Variants in SPPL3 observed in about 807,000 individuals in gnomAD.
The protein encoded by SPPL3 is signal peptide peptidase like 3.
A neutral mutation model predicts 42.4 loss-of-function variants in SPPL3; 5 were observed. That is an observed-to-expected ratio of 0.12 (90% CI 0.06 to 0.25). SPPL3 has a LOEUF of 0.25. Among genes scored for constraint, SPPL3 ranks in the 10% least tolerant of loss-of-function variants. SPPL3 has a pLI of 1.00. For missense variants in SPPL3, 235 were observed against 489.0 expected, an observed-to-expected ratio of 0.48 and a Z score of 4.90; for synonymous variants, 195 against 181.8, an observed-to-expected ratio of 1.07 and a Z score of -0.58.
chr12:120,904,028 G>T lies in SPPL3; in HGVS notation c.-161C>A. Reference sequence around the variant, plus strand: ...GGCGGGCCGGGAAGGCGGCTGGCGGGGAGAGGCCGGGCTCCGAAGCGGCCC... The same window carrying T: ...GGCGGGCCGGGAAGGCGGCTGGCGGTGAGAGGCCGGGCTCCGAAGCGGCCC... On this transcript the variant is annotated 5_prime_UTR_variant, in exon 1 of 11. Coordinates refer to ENST00000353487, the MANE Select transcript of SPPL3 (RefSeq NM_139015.5). The T allele has an allele frequency of 2.0e-6, 1 of 507,974 alleles. No individual in the cohort carries two copies. Among genetic ancestry groups the T allele is most frequent in the Non-Finnish European group, 3.0e-6 (1 of 338,220 alleles). 31.5% of individuals were successfully genotyped at this position (507,974 alleles called of 1,614,324 possible).
chr12:120,822,984 CAAAA>C (rs1399258575), intron 1 of SPPL3, among the ~76,000 whole-genome samples: 1 of 151,378 alleles, frequency 6.6e-6, no homozygotes, highest in Non-Finnish European at 1.5e-5. Context: ...AACAGGGAGA[CAAAA>C]AGAAGTAAAC....
At chr12:120,798,839 G>C in intron 2 of SPPL3, among the ~76,000 whole-genome samples, 1 of 152,036 alleles carries the variant, frequency 6.6e-6, no homozygotes, top group Admixed American at 6.5e-5. Flanking sequence ...GCATTATATC[G>C]CTATTCTGGA....
chr12:120,768,228 T>G, intron 8 of SPPL3, 97 bp downstream of exon 8: 1 of 1,413,158 alleles, frequency 7.1e-7, no homozygotes, highest in South Asian at 1.5e-5. Flanking sequence ...TGGCCCCAGG[T>G]TGGGATCAGA....
intron 2 of SPPL3, among the ~76,000 whole-genome samples, chr12:120,805,206 TA>T (rs1870447343): frequency 6.6e-6 from 1 of 152,202 alleles, no homozygotes; most frequent in African/African-American, 2.4e-5. Context: ...TTGTATACTT[TA>T]AGTGACCAAA....
At chr12:120,845,162 C>T (rs911014937) in intron 1 of SPPL3, 5 of 463,122 alleles carry the variant, frequency 1.1e-5, no homozygotes, top group Admixed American at 7.3e-5. Context: ...TGATAGAGCC[C>T]GTCGCCACTG....
intron 2 of SPPL3, among the ~76,000 whole-genome samples, chr12:120,796,514 C>T (rs1870102723): frequency 6.6e-6 from 1 of 152,092 alleles, no homozygotes; most frequent in Non-Finnish European, 1.5e-5. Context: ...GATTATTTTC[C>T]TCATCCTGGG....
intron 1 of SPPL3, among the ~76,000 whole-genome samples, chr12:120,846,685 C>A (rs566868064): frequency 8.6e-5 from 13 of 151,672 alleles, no homozygotes; most frequent in Admixed American, 2.0e-4. Flanking sequence ...ACAAAGCTCT[C>A]AAGAAAAATC....
chr12:120,860,825 G>C (rs1362677810), intron 1 of SPPL3, among the ~76,000 whole-genome samples: 1 of 152,074 alleles, frequency 6.6e-6, no homozygotes, highest in Non-Finnish European at 1.5e-5. Flanking sequence ...TGGTCTCTGT[G>C]ACAACTACAG....
rs1400502550 is a variant in SPPL3, at chr12:120,827,591, T to C, written c.24-16705A>G. Among the ~76,000 whole-genome samples, 4 of 152,106 alleles carry C rather than the reference T, an allele frequency of 2.6e-5. 1 individual carries two copies. Among genetic ancestry groups the C allele is most frequent in the Admixed American group, 2.6e-4 (4 of 15,272 alleles). On this transcript the variant is annotated intron_variant, in intron 1 of 10. Coordinates refer to ENST00000353487, the MANE Select transcript of SPPL3 (RefSeq NM_139015.5). ...CAAGGAAGAAGAACTAGCATTCCCA[T>C]CCAGGCAGCCTGGTTCTAGATCCAG...
chr12:120,768,780 T>C (rs1210120039), intron 7 of SPPL3, 173 bp downstream of exon 7: 7 of 661,480 alleles, frequency 1.1e-5, no homozygotes, highest in Admixed American at 2.9e-5. Flanking sequence ...GTACGACTTT[T>C]CAGCAAACAA....
intron 1 of SPPL3, among the ~76,000 whole-genome samples, chr12:120,886,715 T>C (rs993790041): frequency 2.6e-5 from 4 of 152,126 alleles, no homozygotes; most frequent in African/African-American, 7.2e-5. Context: ...AGTAACAATA[T>C]AAAACTAAAG....
At chr12:120,784,733 T>G in intron 3 of SPPL3, 140 bp from the exon 4 acceptor site, 1 of 551,178 alleles carries the variant, frequency 1.8e-6, no homozygotes, top group Non-Finnish European at 3.1e-6. Flanking sequence ...GCCCTATGAG[T>G]CTTTCTTTCC....
At chr12:120,853,774 ATACAGATGCTACTAC>A (rs1186495503) in intron 1 of SPPL3, among the ~76,000 whole-genome samples, 1 of 152,162 alleles carries the variant, frequency 6.6e-6, no homozygotes, top group Non-Finnish European at 1.5e-5. Flanking sequence ...TTCCCAGGCA[ATACAGATGCTACTAC>A]TAGTCCAAAG....
intron 1 of SPPL3, among the ~76,000 whole-genome samples, chr12:120,817,281 C>A (rs1050697319): frequency 2.6e-5 from 4 of 152,072 alleles, no homozygotes; most frequent in Admixed American, 1.3e-4. Context: ...GGTGACAGAG[C>A]GAGACCCTGT....
intron 1 of SPPL3, among the ~76,000 whole-genome samples, chr12:120,890,588 C>CAAAAAAAAAAAAAAAAAAAAAAAAAAAA (rs34253596): frequency 1.1e-5 from 1 of 91,458 alleles, no homozygotes; most frequent in African/African-American, 4.3e-5. Flanking sequence ...GACTCCGTCT[C>CAAAAAAAAAAAAAAAAAAAAAAAAAAAA]AAAAAAAAAA....
At chr12:120,903,024 G>A (rs1375798979) in intron 1 of SPPL3, among the ~76,000 whole-genome samples, 2 of 152,000 alleles carry the variant, frequency 1.3e-5, no homozygotes, top group Admixed American at 1.3e-4. Context: ...CTCGCTTCTC[G>A]GCCCTTAACG....
At chr12:120,846,120 G>A (rs965424652) in intron 1 of SPPL3, among the ~76,000 whole-genome samples, 1 of 152,076 alleles carries the variant, frequency 6.6e-6, no homozygotes, top group African/African-American at 2.4e-5. Flanking sequence ...TGGTCTCAAA[G>A]TCCTGTCATT....
intron 2 of SPPL3, among the ~76,000 whole-genome samples, chr12:120,805,182 T>C (rs1347487122): frequency 6.6e-6 from 1 of 152,138 alleles, no homozygotes; most frequent in Non-Finnish European, 1.5e-5. Flanking sequence ...GTAAATAAAC[T>C]AAAACCCACT....
intron 1 of SPPL3, among the ~76,000 whole-genome samples, chr12:120,898,076 C>A (rs569742928): frequency 6.6e-6 from 1 of 151,922 alleles, no homozygotes; most frequent in African/African-American, 2.4e-5. Context: ...CTTTGGGAGG[C>A]CGAGGTGGGT....
Sources: allele counts gnomAD v4.1 joint callset (sites outside exome capture counted in the v4.1 genomes callset), GRCh38; gene constraint gnomAD v4.1.1; transcripts MANE v1.5; gene names NCBI Gene and HGNC (gene_info 2026-07-23, HGNC 2026-07-21).